KCTD1: variants seen among roughly 807,000 people sequenced by gnomAD.
The protein encoded by KCTD1 is BTB/POZ domain-containing protein KCTD1.
KCTD1 carries 24 observed loss-of-function variants against 66.0 expected under a neutral mutation model. That is an observed-to-expected ratio of 0.36 (90% confidence interval 0.26 to 0.51). KCTD1 has a LOEUF of 0.51. KCTD1 is among the 20% of genes least tolerant of loss of function. The pLI, the probability that KCTD1 is intolerant of heterozygous loss-of-function variation, is 0.95. For missense variants in KCTD1, 943 were observed against 1,205.2 expected (o/e 0.78, Z 3.22); for synonymous variants, 511 against 517.2 (o/e 0.99, Z 0.16).
intron 1 of KCTD1, among the ~76,000 whole-genome samples, chr18:26,595,797 T>C (rs918681346): frequency 6.6e-6 from 1 of 152,218 alleles, no homozygotes; most frequent in Non-Finnish European, 1.5e-5. Flanking sequence ...CCCAGCACTT[T>C]GGGAGTCCAA....
intron 2 of KCTD1, among the ~76,000 whole-genome samples, chr18:26,492,600 T>A (rs1040694831): frequency 6.8e-6 from 1 of 146,124 alleles, no homozygotes; most frequent in African/African-American, 2.5e-5. Context: ...AACAAGACAC[T>A]GTCTCAATAA....
At chr18:26,483,817 TCAGGACAG>T (rs150185527) in intron 2 of KCTD1, among the ~76,000 whole-genome samples, 21,707 of 151,678 alleles carry the variant, frequency 0.14, 1,700 homozygotes, top group Admixed American at 0.17. Context: ...CAACCTAAAC[TCAGGACAG>T]CAGGAAGGGA....
upstream of KCTD1, among the ~76,000 whole-genome samples, chr18:26,643,426 G>C (rs891659515): frequency 1.3e-5 from 2 of 152,188 alleles, no homozygotes; most frequent in African/African-American, 4.8e-5. Context: ...GCTACAGGAA[G>C]GGGCCAATGG....
chr18:26,615,306 C>T (rs1987225940), intron 1 of KCTD1, among the ~76,000 whole-genome samples: 1 of 152,162 alleles, frequency 6.6e-6, no homozygotes, highest in African/African-American at 2.4e-5. Flanking sequence ...TTTTCTACTC[C>T]TCTCATTTAT....
intron 2 of KCTD1, among the ~76,000 whole-genome samples, chr18:26,484,780 C>T (rs1215165661): frequency 6.6e-6 from 1 of 152,104 alleles, no homozygotes; most frequent in Non-Finnish European, 1.5e-5. Flanking sequence ...CCTAGGCAGG[C>T]AGGGAAGGCC....
chr18:26,497,937 T>C (rs564432401), intron 2 of KCTD1, among the ~76,000 whole-genome samples: 1 of 152,310 alleles, frequency 6.6e-6, no homozygotes, highest in East Asian at 1.9e-4. Context: ...GCTGCTTCCA[T>C]GGCTAGGAAA....
chr18:26,636,318 T>C (rs1312333082), intron 1 of KCTD1, among the ~76,000 whole-genome samples: 1 of 152,192 alleles, frequency 6.6e-6, no homozygotes, highest in Non-Finnish European at 1.5e-5. Context: ...TTATTGTTTT[T>C]ATTATGTGAG....
chr18:26,636,811 C>G (rs1462469084), intron 1 of KCTD1, among the ~76,000 whole-genome samples: 1 of 152,214 alleles, frequency 6.6e-6, no homozygotes. Context: ...GATGGGCCCC[C>G]ACTAAAGTTA....
At chr18:26,502,714 G>A (rs1363728442) in intron 1 of KCTD1, among the ~76,000 whole-genome samples, 1 of 152,094 alleles carries the variant, frequency 6.6e-6, no homozygotes, top group Non-Finnish European at 1.5e-5. Context: ...CTGTAACACC[G>A]ATGACACACG....
At chr18:26,574,280 CAAAT>C (rs1273676747) in intron 1 of KCTD1, among the ~76,000 whole-genome samples, 3 of 152,206 alleles carry the variant, frequency 2.0e-5, no homozygotes, top group South Asian at 2.1e-4. Flanking sequence ...TAAAAGCTGA[CAAAT>C]GAATGAGCTG....
chr18:26,497,150 G>T (rs897700822), intron 2 of KCTD1, among the ~76,000 whole-genome samples: 4 of 152,216 alleles, frequency 2.6e-5, no homozygotes, highest in African/African-American at 7.2e-5. Context: ...ATTTCAAAAC[G>T]GAGTAAAGGT....
intron 1 of KCTD1, among the ~76,000 whole-genome samples, chr18:26,606,149 G>T (rs1987010726): frequency 6.6e-6 from 1 of 152,210 alleles, no homozygotes; most frequent in Non-Finnish European, 1.5e-5. Flanking sequence ...AAGATAAGGG[G>T]TTGTGGAGAC....
intron 1 of KCTD1, among the ~76,000 whole-genome samples, chr18:26,650,070 G>A (rs187459130): frequency 6.6e-6 from 1 of 152,242 alleles, no homozygotes; most frequent in East Asian, 1.9e-4. Flanking sequence ...TGCACAGGAC[G>A]ACCTCCACAT....
intron 1 of KCTD1, among the ~76,000 whole-genome samples, chr18:26,618,635 C>A (rs1199332059): frequency 6.6e-6 from 1 of 152,210 alleles, no homozygotes; most frequent in East Asian, 1.9e-4. Context: ...CAGTTCTGTA[C>A]ACGACTCGAT....
intron 1 of KCTD1, chr18:26,544,334 T>C (rs1357685410): frequency 6.6e-6 from 1 of 152,168 alleles, no homozygotes; most frequent in Non-Finnish European, 1.5e-5. Context: ...AATAATATAC[T>C]TAACAACACC....
At chr18:26,514,521 G>C (rs139261563) in intron 1 of KCTD1, among the ~76,000 whole-genome samples, 1,786 of 142,482 alleles carry the variant, frequency 0.013, 15 homozygotes, top group South Asian at 0.035. Flanking sequence ...CTGCATCCTA[G>C]CCCAGGCAAC....
upstream of KCTD1, among the ~76,000 whole-genome samples, chr18:26,632,341 G>A (rs905060218): frequency 6.6e-6 from 1 of 151,960 alleles, no homozygotes; most frequent in Non-Finnish European, 1.5e-5. Flanking sequence ...AGCCAAGATT[G>A]CACCACTGCA....
At chr18:26,586,305 T>C (rs1268485655) in intron 1 of KCTD1, among the ~76,000 whole-genome samples, 1 of 152,224 alleles carries the variant, frequency 6.6e-6, no homozygotes, top group Non-Finnish European at 1.5e-5. Flanking sequence ...TTGATATTAC[T>C]ATTGCAATTG....
intron 1 of KCTD1, among the ~76,000 whole-genome samples, chr18:26,569,509 A>C (rs1986054396): frequency 6.6e-6 from 1 of 151,990 alleles, no homozygotes; most frequent in Non-Finnish European, 1.5e-5. Flanking sequence ...CCCGCCCCCG[A>C]CAACACTCTT....
Sources: gnomAD v4.1 joint callset for allele counts (sites outside exome capture counted in the v4.1 genomes callset) on GRCh38, gnomAD v4.1.1 for gene constraint, MANE v1.5 for transcripts, NCBI Gene and HGNC (gene_info 2026-07-23, HGNC 2026-07-21) for gene names.